The following PDE10A variants were observed in gnomAD, a reference collection of about 807,000 sequenced individuals.
The protein encoded by PDE10A is cAMP and cAMP-inhibited cGMP 3',5'-cyclic phosphodiesterase 10A.
Under a neutral mutation model 97.7 loss-of-function variants are expected in PDE10A, and 39 were observed. That is an observed-to-expected ratio of 0.40 (90% CI 0.31 to 0.52). The LOEUF (loss-of-function observed/expected upper bound fraction) is 0.52, where lower values mean the gene tolerates loss of function less well. Ranked by LOEUF, PDE10A falls within the 20% of genes least tolerant of loss-of-function variation. The probability of loss-of-function intolerance (pLI) is 0.56; values close to 1 mark genes in which losing one functional copy is unlikely to be tolerated. For synonymous variants in PDE10A, 371 were observed against 376.8 expected (o/e 0.98, Z 0.18); for missense variants, 731 against 1,047.8 (o/e 0.70, Z 4.17).
intron 1 of PDE10A, among the ~76,000 whole-genome samples, chr6:165,642,110 G>A (rs1789165696): frequency 6.6e-6 from 1 of 152,126 alleles, no homozygotes; most frequent in African/African-American, 2.4e-5. Context: ...GGAAAGCCAC[G>A]CCTGCAGTTA....
At chr6:165,806,697 C>T (rs920084358) in intron 1 of PDE10A, among the ~76,000 whole-genome samples, 1 of 150,834 alleles carries the variant, frequency 6.6e-6, no homozygotes. Flanking sequence ...CCCTTCAGTG[C>T]AGCCAATGTG....
chr6:165,773,458 C>T (rs755748340), intron 1 of PDE10A, among the ~76,000 whole-genome samples: 3 of 152,070 alleles, frequency 2.0e-5, no homozygotes, highest in African/African-American at 7.2e-5. Flanking sequence ...CATATTTTTC[C>T]ATATTCTCCA....
At chr6:165,535,768 C>T (rs896804966) in intron 2 of PDE10A, among the ~76,000 whole-genome samples, 1 of 151,212 alleles carries the variant, frequency 6.6e-6, no homozygotes, top group Non-Finnish European at 1.5e-5. Flanking sequence ...TAAACTTAAG[C>T]AAAGAAGTGA....
intron 1 of PDE10A, among the ~76,000 whole-genome samples, chr6:165,624,639 G>C (rs1788297646): frequency 6.6e-6 from 1 of 152,154 alleles, no homozygotes. Context: ...ATGAATTGCA[G>C]CAAACTCTTC....
intron 1 of PDE10A, among the ~76,000 whole-genome samples, chr6:165,606,621 C>T (rs1787221466): frequency 6.6e-6 from 1 of 152,106 alleles, no homozygotes. Context: ...ACCAGAAATA[C>T]CACATCACTA....
At chr6:165,868,000 C>A (rs1323095075) in intron 1 of PDE10A, among the ~76,000 whole-genome samples, 1 of 151,960 alleles carries the variant, frequency 6.6e-6, no homozygotes, top group Admixed American at 6.6e-5. Flanking sequence ...CAGAATATTT[C>A]AAAACCTATG....
intron 1 of PDE10A, among the ~76,000 whole-genome samples, chr6:165,675,852 A>C (rs1391771959): frequency 6.6e-6 from 1 of 152,260 alleles, no homozygotes; most frequent in Non-Finnish European, 1.5e-5. Context: ...GGTTTCTCAA[A>C]GAACCAAAGT....
chr6:165,433,811 C>T (rs1466584604), intron 6 of PDE10A, among the ~76,000 whole-genome samples: 1 of 151,806 alleles, frequency 6.6e-6, no homozygotes, highest in Non-Finnish European at 1.5e-5. Context: ...GTCAGGAGAT[C>T]GAGACCATCC....
chr6:165,619,604 G>A lies in PDE10A; in HGVS notation c.865+42343C>T, dbSNP rs553579657. Reference sequence around the variant, plus strand: ...GTAGTGTACTGTAGTCTAGCGTAGTGCACTGTAGTCTAGTGTACTGTAGTA... The same window carrying A: ...GTAGTGTACTGTAGTCTAGCGTAGTACACTGTAGTCTAGTGTACTGTAGTA... On this transcript the variant is annotated intron_variant, in intron 1 of 21. Transcript: ENST00000539869. 9.9e-5 allele frequency among the ~76,000 whole-genome samples: 15 copies of A among 151,732 alleles called. 1 individual carries two copies. The East Asian group carries it at 2.7e-3, about 27-fold the overall frequency.
chr6:165,456,976 A>G (rs1203092084), intron 3 of PDE10A, among the ~76,000 whole-genome samples: 6 of 152,258 alleles, frequency 3.9e-5, no homozygotes, highest in Non-Finnish European at 5.9e-5. Context: ...ATGTACTACA[A>G]GAATAAGCAA....
chr6:165,941,468 A>G (rs1052933621), intron 1 of PDE10A, among the ~76,000 whole-genome samples: 3 of 152,056 alleles, frequency 2.0e-5, no homozygotes, highest in African/African-American at 4.8e-5. Flanking sequence ...ACCTGACATC[A>G]TTTGGATATT....
At chr6:165,739,505 C>T (rs779329969) in intron 1 of PDE10A, among the ~76,000 whole-genome samples, 1 of 152,024 alleles carries the variant, frequency 6.6e-6, no homozygotes, top group Non-Finnish European at 1.5e-5. Flanking sequence ...AGAGGAAAGA[C>T]TTAAATGTAA....
chr6:165,678,974 C>T (rs758423975), intron 1 of PDE10A, among the ~76,000 whole-genome samples: 2 of 152,136 alleles, frequency 1.3e-5, no homozygotes, highest in East Asian at 1.9e-4. Context: ...GGAGATGGGA[C>T]GTTGTCTAGA....
At chr6:165,775,443 A>G (rs1322809056) in intron 1 of PDE10A, 2 of 152,132 alleles carry the variant, frequency 1.3e-5, no homozygotes, top group Non-Finnish European at 2.9e-5. Context: ...ATCATCCGCT[A>G]TTTTGGCAGC....
intron 1 of PDE10A, among the ~76,000 whole-genome samples, chr6:165,815,065 C>G (rs780426836): frequency 6.6e-6 from 1 of 152,094 alleles, no homozygotes; most frequent in African/African-American, 2.4e-5. Context: ...CCTTTTCAAA[C>G]AAAGCAATAA....
chr6:165,606,483 T>C (rs528787268), intron 1 of PDE10A, among the ~76,000 whole-genome samples: 1 of 152,036 alleles, frequency 6.6e-6, no homozygotes, highest in Non-Finnish European at 1.5e-5. Flanking sequence ...GATGGGAGCG[T>C]GGGAAAGTGA....
At position 165,661,899 on chromosome 6, in the gene PDE10A, G is replaced by A. The variant is rs927491870; in HGVS notation, c.865+48C>T. 2 of 775,960 alleles carry A rather than the reference G, an allele frequency of 2.6e-6. No homozygotes were observed. Among genetic ancestry groups the A allele is most frequent in the Admixed American group, 2.1e-5 (1 of 46,852 alleles). 48.1% of individuals were successfully genotyped at this position (775,960 alleles called of 1,614,324 possible). A position where few individuals can be genotyped will look rare whatever the true frequency, so the allele number is the denominator to read the frequency against. ...TCCAAGCCCCCCACCTGCCCCCAGG[G>A]GATGAGGAGCCGCCCCACCTCCGGG... On this transcript the variant is annotated intron_variant, in intron 1 of 21. Transcript: ENST00000539869. The surrounding 1 kb of genome is among the most constrained non-coding windows in gnomAD (Gnocchi z 4.8).
chr6:165,611,807 G>A (rs957965039), intron 1 of PDE10A, among the ~76,000 whole-genome samples: 1 of 152,254 alleles, frequency 6.6e-6, no homozygotes, highest in African/African-American at 2.4e-5. Context: ...ATAATGTACT[G>A]TTCAGGTTTG....
intron 1 of PDE10A, among the ~76,000 whole-genome samples, chr6:165,694,295 G>A (rs906321974): frequency 3.9e-5 from 6 of 152,196 alleles, no homozygotes; most frequent in African/African-American, 1.4e-4. Flanking sequence ...TATGCACCAC[G>A]TTTAACTGCA....
Sources: gnomAD v4.1 joint callset for allele counts (sites outside exome capture counted in the v4.1 genomes callset) on GRCh38, gnomAD v4.1.1 for gene constraint, Gnocchi (gnomAD v3.1) non-coding constraint, MANE v1.5 for transcripts, NCBI Gene and HGNC (gene_info 2026-07-23, HGNC 2026-07-21) for gene names.